SLC8A1: variants seen among roughly 807,000 people sequenced by gnomAD.
SLC8A1 encodes solute carrier family 8 member A1, also known as sodium/calcium exchanger 1.
SLC8A1 carries 18 observed loss-of-function variants against 68.3 expected under a neutral mutation model. The observed-to-expected ratio is 0.26, with a 90% CI of 0.18 to 0.39. The LOEUF (loss-of-function observed/expected upper bound fraction) is 0.39. SLC8A1 is among the 10% of genes least tolerant of loss of function. SLC8A1 has a pLI of 1.00. For synonymous variants in SLC8A1, 475 were observed against 415.5 expected (o/e 1.14, Z -1.74); for missense variants, 985 against 1,156.7 (o/e 0.85, Z 2.15).
chr2:40,406,977 A>G (rs570089979), intron 2 of SLC8A1, among the ~76,000 whole-genome samples: 1 of 152,214 alleles, frequency 6.6e-6, no homozygotes, highest in South Asian at 2.1e-4. Flanking sequence ...ATGACAATGC[A>G]AAGAGTGGAC....
intron 2 of SLC8A1, among the ~76,000 whole-genome samples, chr2:40,304,825 C>A (rs189929424): frequency 1.1e-3 from 170 of 152,258 alleles, no homozygotes; most frequent in African/African-American, 3.7e-3. Context: ...CTCACCTAGA[C>A]CTCATGCGCC....
At chr2:40,412,867 G>C (rs1331705481) in intron 2 of SLC8A1, among the ~76,000 whole-genome samples, 2 of 152,124 alleles carry the variant, frequency 1.3e-5, no homozygotes, top group Non-Finnish European at 2.9e-5. Flanking sequence ...TGAAATGCTA[G>C]AGTGTAATCT....
At chr2:40,403,159 A>C (rs146743589) in intron 2 of SLC8A1, among the ~76,000 whole-genome samples, 1 of 152,322 alleles carries the variant, frequency 6.6e-6, no homozygotes, top group African/African-American at 2.4e-5. Context: ...ATTGAATATG[A>C]AACATTAAAA....
At chr2:40,328,560 G>C (rs2076086567) in intron 2 of SLC8A1, among the ~76,000 whole-genome samples, 1 of 151,998 alleles carries the variant, frequency 6.6e-6, no homozygotes, top group Non-Finnish European at 1.5e-5. Flanking sequence ...TCTATTTTCA[G>C]CTCTCAATTC....
chr2:40,391,381 CA>C (rs1321120072), intron 2 of SLC8A1, among the ~76,000 whole-genome samples: 2 of 151,844 alleles, frequency 1.3e-5, no homozygotes, highest in Non-Finnish European at 2.9e-5. Flanking sequence ...TAAAAGAAAG[CA>C]GCATATGGAA....
intron 2 of SLC8A1, among the ~76,000 whole-genome samples, chr2:40,362,257 A>G (rs1435327820): frequency 6.6e-6 from 1 of 151,904 alleles, no homozygotes; most frequent in African/African-American, 2.4e-5. Context: ...ATTCTGTCTA[A>G]TAGGTACTGG....
chr2:40,139,649 C>T, exon 7 of SLC8A1: 1 of 1,613,996 alleles, frequency 6.2e-7, no homozygotes, highest in Non-Finnish European at 8.5e-7. Context: ...CTTCTCTTCC[C>T]CACATTCATC....
At position 40,310,591 on chromosome 2, in the gene SLC8A1, G is replaced by A. The variant is rs536513540; in HGVS notation, c.1808+117882C>T. Among the ~76,000 whole-genome samples, 4 of 152,254 alleles carry A rather than the reference G, an allele frequency of 2.6e-5. No individual in the cohort carries two copies. The South Asian group carries it at 8.3e-4, about 32-fold the overall frequency. On this transcript the variant is annotated intron_variant, in intron 2 of 7. Transcript: ENST00000406785. ...TGTGACTTCAGAGTTCTCTGTCACA[G>A]AAGCATAGAATATTTGCACTGGAGA...
intron 2 of SLC8A1, among the ~76,000 whole-genome samples, chr2:40,341,627 A>G (rs1667722063): frequency 6.6e-6 from 1 of 152,218 alleles, no homozygotes; most frequent in East Asian, 1.9e-4. Context: ...AAGTTTCTTA[A>G]TTACCCTAAG....
intron 7 of SLC8A1, chr2:40,123,259 C>T (rs1290913409): frequency 1.3e-5 from 2 of 152,232 alleles, no homozygotes; most frequent in African/African-American, 4.8e-5. Context: ...TCAACTCCGA[C>T]TGTGACTACA....
At chr2:40,443,357 C>A (rs1700866239) in intron 1 of SLC8A1, among the ~76,000 whole-genome samples, 1 of 152,088 alleles carries the variant, frequency 6.6e-6, no homozygotes, top group Non-Finnish European at 1.5e-5. Context: ...ACTTCACCTA[C>A]CAGAGTATTA....
chr2:40,340,501 C>T (rs1015979094), intron 2 of SLC8A1, among the ~76,000 whole-genome samples: 1 of 152,134 alleles, frequency 6.6e-6, no homozygotes, highest in Non-Finnish European at 1.5e-5. Flanking sequence ...GTGGAGCTTG[C>T]AGTGAGCTGA....
chr2:40,368,598 T>A (rs1677013368), intron 2 of SLC8A1, among the ~76,000 whole-genome samples: 1 of 152,102 alleles, frequency 6.6e-6, no homozygotes, highest in African/African-American at 2.4e-5. Flanking sequence ...CTGTGTTTTT[T>A]AAAAACTTTT....
chr2:40,144,527 G>A (rs746517549), intron 6 of SLC8A1, among the ~76,000 whole-genome samples: 22 of 151,652 alleles, frequency 1.5e-4, no homozygotes, highest in African/African-American at 4.1e-4. Context: ...AGTTTGAGTC[G>A]GAATTTTTTT....
intron 7 of SLC8A1, among the ~76,000 whole-genome samples, chr2:40,133,450 C>G (rs1369501683): frequency 6.6e-6 from 1 of 151,404 alleles, no homozygotes; most frequent in African/African-American, 2.4e-5. Context: ...GCCTTAAAAT[C>G]CTTAGAGGGA....
chr2:40,245,741 T>C (rs1446965712), intron 2 of SLC8A1, among the ~76,000 whole-genome samples: 1 of 152,174 alleles, frequency 6.6e-6, no homozygotes, highest in Non-Finnish European at 1.5e-5. Context: ...GTGATGTATA[T>C]TGTGAAAAAC....
At chr2:40,144,444 C>G (rs2042091204) in intron 6 of SLC8A1, among the ~76,000 whole-genome samples, 1 of 152,192 alleles carries the variant, frequency 6.6e-6, no homozygotes, top group Non-Finnish European at 1.5e-5. Context: ...ATCTAACAGT[C>G]CAGGGAACAT....
At chr2:40,379,846 C>T (rs1189373422) in intron 2 of SLC8A1, among the ~76,000 whole-genome samples, 2 of 152,046 alleles carry the variant, frequency 1.3e-5, no homozygotes, top group Non-Finnish European at 2.9e-5. Context: ...TTAAAGTTCT[C>T]AGGCTAAACT....
intron 2 of SLC8A1, among the ~76,000 whole-genome samples, chr2:40,337,031 T>A (rs1037510412): frequency 6.6e-6 from 1 of 152,192 alleles, no homozygotes; most frequent in African/African-American, 2.4e-5. Context: ...TGAACCTCTT[T>A]GTAATGCACT....
Sources: gnomAD v4.1 joint callset for allele counts (sites outside exome capture counted in the v4.1 genomes callset) on GRCh38, gnomAD v4.1.1 for gene constraint, MANE v1.5 for transcripts, NCBI Gene and HGNC (gene_info 2026-07-23, HGNC 2026-07-21) for gene names.